The following TESPA1 variants were observed in gnomAD, a reference collection of about 807,000 sequenced individuals.
TESPA1 encodes the protein thymocyte expressed, positive selection associated 1.
In TESPA1, 33 loss-of-function variants were observed where a neutral mutation model predicts 57.9. The observed-to-expected ratio is 0.57, with a 90% CI of 0.43 to 0.76. The LOEUF (loss-of-function observed/expected upper bound fraction) is 0.76. Ranked by LOEUF, TESPA1 falls within the 30% of genes least tolerant of loss-of-function variation. The pLI, the probability that TESPA1 is intolerant of heterozygous loss-of-function variation, is 0.00. For missense variants in TESPA1, 618 were observed against 632.9 expected (o/e 0.98, Z 0.25); for synonymous variants, 227 against 228.9 (o/e 0.99, Z 0.07).
At chr12:54,968,740 A>G (rs962599886) in intron 3 of TESPA1, among the ~76,000 whole-genome samples, 1 of 152,138 alleles carries the variant, frequency 6.6e-6, no homozygotes, top group Non-Finnish European at 1.5e-5. Context: ...AAAGCTTTTT[A>G]CATGGAAGTT....
intron 10 of TESPA1, among the ~76,000 whole-genome samples, chr12:54,951,617 C>T (rs1171976437): frequency 6.6e-6 from 1 of 150,776 alleles, no homozygotes; most frequent in Non-Finnish European, 1.5e-5. Flanking sequence ...CCTTGTCACC[C>T]AAATAAAAAT....
At chr12:54,956,934 G>A (rs1336050034) in intron 10 of TESPA1, among the ~76,000 whole-genome samples, 2 of 152,124 alleles carry the variant, frequency 1.3e-5, no homozygotes, top group Non-Finnish European at 2.9e-5. Context: ...TCCCACAATA[G>A]TGACATTAAT....
chr12:54,958,853 C>T (rs1375294309), intron 10 of TESPA1, among the ~76,000 whole-genome samples: 1 of 152,126 alleles, frequency 6.6e-6, no homozygotes, highest in Non-Finnish European at 1.5e-5. Context: ...TTATCTCTAG[C>T]ATTTTTTTTA....
chr12:54,979,133 C>A (rs148326588), intron 1 of TESPA1, among the ~76,000 whole-genome samples: 72 of 152,240 alleles, frequency 4.7e-4, no homozygotes, highest in Middle Eastern at 3.4e-3. Context: ...TCTTTCCAGT[C>A]CTTTGTTGAC....
At chr12:54,974,023 G>A (rs529790407) in intron 2 of TESPA1, 1 of 533,976 alleles carries the variant, frequency 1.9e-6, no homozygotes, top group Non-Finnish European at 2.5e-6. Context: ...CTTCCCAAAG[G>A]CCACACAGCT....
At chr12:54,968,125 G>A in intron 3 of TESPA1, 1 of 1,005,946 alleles carries the variant, frequency 9.9e-7, no homozygotes, top group Non-Finnish European at 1.4e-6. Context: ...TGCTTCTGTT[G>A]TCCTGGCCAC....
rs113067178 is a variant in TESPA1, at chr12:54,948,425, G to T, written c.*1967C>A. 96 of 156,436 alleles carry T rather than the reference G, an allele frequency of 6.1e-4. 1 individual carries two copies. Among genetic ancestry groups the T allele is most frequent in the African/African-American group, 2.3e-3 (94 of 41,638 alleles). 9.7% of individuals were successfully genotyped at this position (156,436 alleles called of 1,614,324 possible). On this transcript the variant is annotated 3_prime_UTR_variant, in exon 11 of 11. Transcript: ENST00000449076. ...CAAACTGTAATCCCCATTGTTGGAG[G>T]TGGGGCCTGGTGGGTGGTGATTGGA...
At chr12:54,971,059 G>A (rs148131342) in intron 3 of TESPA1, among the ~76,000 whole-genome samples, 18 of 152,338 alleles carry the variant, frequency 1.2e-4, no homozygotes, top group East Asian at 1.9e-4. Flanking sequence ...ATAGTCGGCC[G>A]CTAGATTCAA....
At chr12:54,972,442 C>G (rs1321015747) in intron 3 of TESPA1, among the ~76,000 whole-genome samples, 1 of 152,072 alleles carries the variant, frequency 6.6e-6, no homozygotes, top group Non-Finnish European at 1.5e-5. Flanking sequence ...TGACTGTTTC[C>G]CCTGTACATA....
chr12:54,958,518 C>T (rs1463653), intron 10 of TESPA1, among the ~76,000 whole-genome samples: 17,062 of 148,986 alleles, frequency 0.11, 2,339 homozygotes, highest in East Asian at 0.68. Flanking sequence ...TTATTCTTTT[C>T]GGTGTTCTCT....
At chr12:54,983,568 T>C (rs767504089) in intron 1 of TESPA1, among the ~76,000 whole-genome samples, 1 of 152,170 alleles carries the variant, frequency 6.6e-6, no homozygotes, top group Non-Finnish European at 1.5e-5. Context: ...TCCTTACCTC[T>C]CTACTCAGGA....
intron 3 of TESPA1, among the ~76,000 whole-genome samples, chr12:54,970,045 A>T (rs1246524958): frequency 6.6e-6 from 1 of 152,168 alleles, no homozygotes; most frequent in Non-Finnish European, 1.5e-5. Flanking sequence ...TCCTGCCTCA[A>T]TCTCCTGAGT....
intron 1 of TESPA1, among the ~76,000 whole-genome samples, chr12:54,977,575 C>T (rs116455361): frequency 6.6e-6 from 1 of 152,112 alleles, no homozygotes; most frequent in Non-Finnish European, 1.5e-5. Context: ...AAGGAAAATG[C>T]CTATGAAGGC....
intron 10 of TESPA1, among the ~76,000 whole-genome samples, chr12:54,950,650 G>A (rs2135999259): frequency 6.6e-6 from 1 of 152,084 alleles, no homozygotes; most frequent in South Asian, 2.1e-4. Context: ...TTATTTTTTT[G>A]TATGGATTGC....
intron 10 of TESPA1, among the ~76,000 whole-genome samples, chr12:54,953,579 A>G (rs147178848): frequency 0.02 from 2,954 of 145,024 alleles, 154 homozygotes; most frequent in East Asian, 0.18. Context: ...GTGCAGTGGC[A>G]CGATCACAGC....
At chr12:54,975,679 A>G (rs116142576) in intron 1 of TESPA1, among the ~76,000 whole-genome samples, 4 of 147,924 alleles carry the variant, frequency 2.7e-5, no homozygotes, top group African/African-American at 1.1e-4. Flanking sequence ...ACTTTTAACT[A>G]TTGGAATAAA....
intron 1 of TESPA1, among the ~76,000 whole-genome samples, chr12:54,982,764 A>G (rs1356284726): frequency 6.6e-6 from 1 of 152,224 alleles, no homozygotes; most frequent in Non-Finnish European, 1.5e-5. Flanking sequence ...GTGAATTCGT[A>G]TCTTTAATTC....
chr12:54,956,195 AC>A, intron 10 of TESPA1, among the ~76,000 whole-genome samples: 1 of 152,286 alleles, frequency 6.6e-6, no homozygotes, highest in African/African-American at 2.4e-5. Flanking sequence ...TGAGTTACCC[AC>A]CATTTGGGGG....
chr12:54,950,831 C>T (rs912571285), intron 10 of TESPA1, among the ~76,000 whole-genome samples: 2 of 152,102 alleles, frequency 1.3e-5, no homozygotes, highest in Non-Finnish European at 2.9e-5. Flanking sequence ...CCTTTCCTGA[C>T]TCACACTTTT....
Sources: allele counts gnomAD v4.1 joint callset (sites outside exome capture counted in the v4.1 genomes callset), GRCh38; gene constraint gnomAD v4.1.1; transcripts MANE v1.5; gene names NCBI Gene and HGNC (gene_info 2026-07-23, HGNC 2026-07-21).